The following ARHGAP26 variants were observed in gnomAD, a reference collection of about 807,000 sequenced individuals.
The protein encoded by ARHGAP26 is rho GTPase-activating protein 26.
ARHGAP26 carries 38 observed loss-of-function variants against 104.8 expected under a neutral mutation model. The ratio of observed to expected loss-of-function variants is 0.36; its 90% CI spans 0.28 to 0.48. ARHGAP26 has a LOEUF of 0.48. Ranked by LOEUF, ARHGAP26 falls within the 20% of genes least tolerant of loss-of-function variation. ARHGAP26 has a pLI of 0.99. For synonymous variants in ARHGAP26, 341 were observed against 340.0 expected (o/e 1.00, Z -0.03); for missense variants, 704 against 947.9 (o/e 0.74, Z 3.38).
chr5:142,840,584 A>G (rs1770576064), intron 1 of ARHGAP26, among the ~76,000 whole-genome samples: 1 of 152,178 alleles, frequency 6.6e-6, no homozygotes, highest in South Asian at 2.1e-4. Context: ...TTGTGCTTCT[A>G]AGGTTCCTAG....
intron 11 of ARHGAP26, among the ~76,000 whole-genome samples, chr5:142,972,412 A>G (rs2152704010): frequency 6.6e-6 from 1 of 152,312 alleles, no homozygotes; most frequent in Non-Finnish European, 1.5e-5. Flanking sequence ...CTTGGAGCCA[A>G]CACTAGGGGA....
intron 20 of ARHGAP26, among the ~76,000 whole-genome samples, chr5:143,203,944 G>A (rs1393104839): frequency 6.6e-6 from 1 of 152,068 alleles, no homozygotes; most frequent in African/African-American, 2.4e-5. Context: ...GGGAGGGATA[G>A]CATTAGGAGA....
chr5:142,824,994 C>G (rs1211876544), intron 1 of ARHGAP26, among the ~76,000 whole-genome samples: 3 of 152,158 alleles, frequency 2.0e-5, no homozygotes, highest in Admixed American at 2.0e-4. Context: ...ATCAGCAACT[C>G]TTTTCATTCA....
intron 10 of ARHGAP26, among the ~76,000 whole-genome samples, chr5:142,920,964 T>C (rs1299888650): frequency 6.6e-6 from 1 of 152,166 alleles, no homozygotes; most frequent in African/African-American, 2.4e-5. Context: ...CTTCCTTATT[T>C]TATTGAGCAT....
chr5:142,907,698 T>C lies in ARHGAP26; in HGVS notation c.833-6T>C. ...TAGATATTTTATGGGAAATATTACC[T>C]TTCAGGTCACTTTGGAACTTCTTGG... On this transcript the variant is annotated splice_region_variant and splice_polypyrimidine_tract_variant and intron_variant, in intron 8 of 22. Transcript: ENST00000645722. 1 of 1,588,740 alleles carries C rather than the reference T, an allele frequency of 6.3e-7. No homozygotes were observed. The highest frequency in any genetic ancestry group is 1.3e-5 in the African/African-American group (1 of 74,706).
At chr5:142,880,034 A>G (rs1021519632) in intron 4 of ARHGAP26, among the ~76,000 whole-genome samples, 1 of 152,192 alleles carries the variant, frequency 6.6e-6, no homozygotes, top group Non-Finnish European at 1.5e-5. Flanking sequence ...TAAAATATAT[A>G]TTACCCATTG....
intron 10 of ARHGAP26, among the ~76,000 whole-genome samples, chr5:142,913,592 T>A (rs1762114788): frequency 2.0e-5 from 3 of 152,234 alleles, no homozygotes; most frequent in Admixed American, 2.0e-4. Flanking sequence ...CTCAGAAATG[T>A]GTGTTATATC....
chr5:142,857,695 G>A (rs1283982051), intron 1 of ARHGAP26, among the ~76,000 whole-genome samples: 2 of 152,220 alleles, frequency 1.3e-5, no homozygotes, highest in African/African-American at 4.8e-5. Flanking sequence ...TCTGGGAACA[G>A]TTTCCTGCTG....
At chr5:142,997,432 A>G (rs929364825) in intron 11 of ARHGAP26, among the ~76,000 whole-genome samples, 12 of 152,036 alleles carry the variant, frequency 7.9e-5, no homozygotes, top group Non-Finnish European at 2.9e-5. Flanking sequence ...TGGTGGGGAC[A>G]GGGTTTTGCT....
intron 1 of ARHGAP26, 40 bp downstream of exon 1, chr5:142,770,955 G>A: frequency 1.9e-6 from 3 of 1,556,164 alleles, no homozygotes; most frequent in Non-Finnish European, 2.6e-6. Flanking sequence ...GCTCCGGGGC[G>A]GGAGGAACTG....
At chr5:143,082,621 TC>T (rs947770322) in intron 17 of ARHGAP26, among the ~76,000 whole-genome samples, 2 of 152,202 alleles carry the variant, frequency 1.3e-5, no homozygotes, top group South Asian at 2.1e-4. Context: ...AGTTTCAAAG[TC>T]AAGAATTGTA....
rs1382259666 is a variant in ARHGAP26 at position 143,224,869 on chromosome 5, A to T, written c.*2423A>T. The T allele has an allele frequency of 2.2e-5, 5 of 226,088 alleles. No homozygotes were observed. The highest frequency in any genetic ancestry group is 1.7e-4 in the Admixed American group (3 of 17,518). The allele number at this position is 226,088 out of a possible 1,614,324, so 14.0% of individuals were successfully genotyped here. The stretch of plus-strand genomic sequence containing the variant: ...GTTTTAAAGTTAACAGGGGTTTGTC[A>T]TGGTGATTCACTACTCAGTTTATCA... On this transcript the variant is annotated 3_prime_UTR_variant, in exon 23 of 23. Transcript: ENST00000645722.
intron 1 of ARHGAP26, among the ~76,000 whole-genome samples, chr5:142,810,486 C>G (rs762659117): frequency 3.3e-5 from 5 of 152,092 alleles, no homozygotes; most frequent in Non-Finnish European, 7.4e-5. Flanking sequence ...TCCCCTCTCC[C>G]CCATCTCTTT....
Position 142,849,278 on chromosome 5 carries a change from G to A in ARHGAP26, c.155-24122G>A, listed in dbSNP as rs75239101. Among the ~76,000 whole-genome samples the A allele has an allele frequency of 4.6e-5, 7 of 152,216 alleles. No individual in the cohort carries two copies. The East Asian group carries it at 1.4e-3, about 29-fold the overall frequency. Reference sequence around the variant, plus strand: ...TGTGGACTCTTGTGTTCTCACTCTTGGGTAAGACAGGTTCTCACACCAAAA... The same window carrying A: ...TGTGGACTCTTGTGTTCTCACTCTTAGGTAAGACAGGTTCTCACACCAAAA... On this transcript the variant is annotated intron_variant, in intron 1 of 22. Coordinates refer to ENST00000645722, the MANE Select transcript of ARHGAP26 (RefSeq NM_001135608.3).
At chr5:143,018,445 GTTTTC>G (rs1217940140) in intron 12 of ARHGAP26, among the ~76,000 whole-genome samples, 1 of 152,158 alleles carries the variant, frequency 6.6e-6, no homozygotes, top group Admixed American at 6.5e-5. Flanking sequence ...GTGTACCTAT[GTTTTC>G]TTTTATTGGC....
At chr5:142,774,056 G>A (rs1259426993) in intron 1 of ARHGAP26, among the ~76,000 whole-genome samples, 1 of 152,162 alleles carries the variant, frequency 6.6e-6, no homozygotes, top group Non-Finnish European at 1.5e-5. Context: ...GAGTAATTAT[G>A]TTACTCAGAA....
chr5:142,810,581 T>C (rs1207583397), intron 1 of ARHGAP26, among the ~76,000 whole-genome samples: 1 of 152,234 alleles, frequency 6.6e-6, no homozygotes, highest in Non-Finnish European at 1.5e-5. Flanking sequence ...TTTTGAACTA[T>C]GGCATACCTG....
intron 11 of ARHGAP26, among the ~76,000 whole-genome samples, chr5:142,998,370 A>G (rs1776716385): frequency 6.6e-6 from 1 of 152,166 alleles, no homozygotes; most frequent in African/African-American, 2.4e-5. Context: ...AGGACCCAGA[A>G]GCAGCCTTTG....
intron 11 of ARHGAP26, among the ~76,000 whole-genome samples, chr5:143,010,385 C>A (rs1419189025): frequency 6.6e-6 from 1 of 152,194 alleles, no homozygotes; most frequent in Non-Finnish European, 1.5e-5. Flanking sequence ...TAATACTAGA[C>A]CTCATCCATA....
Sources: allele counts gnomAD v4.1 joint callset (sites outside exome capture counted in the v4.1 genomes callset), GRCh38; gene constraint gnomAD v4.1.1; transcripts MANE v1.5; gene names NCBI Gene and HGNC (gene_info 2026-07-23, HGNC 2026-07-21).